ANKFN1: variants seen among roughly 807,000 people sequenced by gnomAD.
The protein encoded by ANKFN1 is ankyrin repeat and fibronectin type III domain containing 1.
In ANKFN1, 74 loss-of-function variants were observed where a neutral mutation model predicts 108.7. The observed-to-expected ratio is 0.68, with a 90% CI of 0.56 to 0.83. The LOEUF (loss-of-function observed/expected upper bound fraction) is 0.83. Ranked by LOEUF, ANKFN1 falls within the 40% of genes least tolerant of loss-of-function variation. The pLI, the probability that ANKFN1 is intolerant of heterozygous loss-of-function variation, is 0.00. For missense variants in ANKFN1, 1,505 were observed against 1,382.3 expected (o/e 1.09, Z -1.41); for synonymous variants, 547 against 516.2 (o/e 1.06, Z -0.81).
intron 8 of ANKFN1, among the ~76,000 whole-genome samples, chr17:56,385,559 A>G (rs182550815): frequency 1.7e-3 from 261 of 152,298 alleles, no homozygotes; most frequent in African/African-American, 5.6e-3. Context: ...GAAAATTTTC[A>G]CAACCTACTC....
At chr17:56,167,286 T>TATAC (rs1555603963) in intron 1 of ANKFN1, among the ~76,000 whole-genome samples, 13 of 122,896 alleles carry the variant, frequency 1.1e-4, no homozygotes, top group Non-Finnish European at 1.2e-4. Context: ...TATATATATA[T>TATAC]ACACACACAT....
intron 1 of ANKFN1, among the ~76,000 whole-genome samples, chr17:56,170,732 C>G (rs1463460795): frequency 1.4e-5 from 2 of 145,276 alleles, no homozygotes; most frequent in African/African-American, 5.2e-5. Context: ...CACTGCACTC[C>G]ACCCTGGGCT....
chr17:56,393,641 T>C (rs1205087843), intron 8 of ANKFN1, among the ~76,000 whole-genome samples: 2 of 152,224 alleles, frequency 1.3e-5, no homozygotes, highest in African/African-American at 4.8e-5. Context: ...GTATTATTTG[T>C]TTGTTATTCA....
intron 1 of ANKFN1, among the ~76,000 whole-genome samples, chr17:56,188,669 C>T (rs1241550058): frequency 2.1e-5 from 3 of 144,686 alleles, no homozygotes; most frequent in Non-Finnish European, 4.5e-5. Context: ...GCTCTTGAAA[C>T]ACGTATGCTT....
chr17:56,153,472 G>T (rs762434757), upstream of ANKFN1: 4 of 1,613,544 alleles, frequency 2.5e-6, no homozygotes, highest in South Asian at 3.3e-5. Flanking sequence ...CACCCCCCAG[G>T]TCCTCTTTCA....
At chr17:56,162,148 G>T (rs952611451) in intron 1 of ANKFN1, among the ~76,000 whole-genome samples, 1 of 152,164 alleles carries the variant, frequency 6.6e-6, no homozygotes, top group African/African-American at 2.4e-5. Flanking sequence ...TAAAACTAAG[G>T]AGAGGTAGTT....
chr17:56,189,106 GCTGTTC>G (rs961683257), intron 1 of ANKFN1, among the ~76,000 whole-genome samples: 2 of 150,820 alleles, frequency 1.3e-5, no homozygotes, highest in Non-Finnish European at 2.9e-5. Flanking sequence ...CTTCCATCTG[GCTGTTC>G]CTGAGTTGTA....
chr17:56,491,594 A>G (rs1282881191), intron 18 of ANKFN1, among the ~76,000 whole-genome samples: 1 of 152,204 alleles, frequency 6.6e-6, no homozygotes, highest in African/African-American at 2.4e-5. Flanking sequence ...TGGTCTGTCC[A>G]AGCAACAGCT....
intron 20 of ANKFN1, 99 bp from the exon 21 acceptor site, chr17:56,510,374 C>T (rs943851782): frequency 2.0e-6 from 2 of 997,752 alleles, no homozygotes; most frequent in East Asian, 2.6e-5. Context: ...GAAGCACAGG[C>T]CCCTTCTAAG....
intron 1 of ANKFN1, among the ~76,000 whole-genome samples, chr17:56,204,205 C>A (rs1339210012): frequency 6.6e-6 from 1 of 152,146 alleles, no homozygotes; most frequent in Non-Finnish European, 1.5e-5. Context: ...CGCCACCACA[C>A]CTGGCTAGTT....
At chr17:56,199,680 G>C (rs912663267) in intron 1 of ANKFN1, among the ~76,000 whole-genome samples, 1 of 152,156 alleles carries the variant, frequency 6.6e-6, no homozygotes, top group Non-Finnish European at 1.5e-5. Flanking sequence ...CCTCTAGTCT[G>C]TCGAGGTGTA....
intron 3 of ANKFN1, among the ~76,000 whole-genome samples, chr17:56,265,948 A>G (rs954763712): frequency 2.0e-5 from 3 of 152,200 alleles, no homozygotes; most frequent in Non-Finnish European, 4.4e-5. Context: ...TTGGCAAAGT[A>G]ACCAGTCAAA....
intron 3 of ANKFN1, among the ~76,000 whole-genome samples, chr17:56,295,418 C>T (rs572954607): frequency 1.3e-5 from 2 of 152,286 alleles, no homozygotes; most frequent in East Asian, 3.9e-4. Flanking sequence ...ATCAGTATCA[C>T]CTGGGAATCT....
At chr17:56,366,741 G>T (rs2046673613) in intron 6 of ANKFN1, among the ~76,000 whole-genome samples, 1 of 152,198 alleles carries the variant, frequency 6.6e-6, no homozygotes, top group African/African-American at 2.4e-5. Context: ...ATACCATAGA[G>T]TCTGGCTGTG....
rs192283754 is a variant in ANKFN1 at position 56,340,218 on chromosome 17, T to C, written c.189-10548T>C. 5.1e-4 allele frequency among the ~76,000 whole-genome samples: 78 copies of C among 152,158 alleles called. 1 individual carries two copies. The highest frequency in any genetic ancestry group is 4.6e-3 in the Admixed American group (70 of 15,254). Reference sequence around the variant, plus strand: ...GCTGGGTATTAGACCTCGTCAGATGTATAGTTTGCAAAAAATTTCTCTTTT... The same window carrying C: ...GCTGGGTATTAGACCTCGTCAGATGCATAGTTTGCAAAAAATTTCTCTTTT... On this transcript the variant is annotated intron_variant, in intron 4 of 20. Transcript: ENST00000682825.
intron 6 of ANKFN1, among the ~76,000 whole-genome samples, chr17:56,369,094 T>C (rs2144753796): frequency 6.6e-6 from 1 of 152,372 alleles, no homozygotes; most frequent in Admixed American, 6.5e-5. Context: ...CATCTCCAGC[T>C]ATTTACGCAC....
intron 2 of ANKFN1, among the ~76,000 whole-genome samples, chr17:56,220,785 A>T (rs1379199976): frequency 8.1e-6 from 1 of 123,614 alleles, no homozygotes; most frequent in Non-Finnish European, 1.7e-5. Flanking sequence ...GAAGTCAGGA[A>T]GGAAGGGAGG....
intron 6 of ANKFN1, among the ~76,000 whole-genome samples, chr17:56,364,474 T>C (rs926726673): frequency 7.2e-5 from 11 of 152,360 alleles, no homozygotes; most frequent in African/African-American, 2.6e-4. Context: ...TTAAATGATG[T>C]GGCTCACACT....
intron 7 of ANKFN1, 114 bp from the exon 8 acceptor site, chr17:56,374,487 C>G (rs1019219600): frequency 1.8e-5 from 14 of 784,188 alleles, no homozygotes; most frequent in African/African-American, 3.5e-5. Context: ...CTATTAGGCT[C>G]CACAAACAAA....
Sources: allele counts gnomAD v4.1 joint callset (sites outside exome capture counted in the v4.1 genomes callset), GRCh38; gene constraint gnomAD v4.1.1; transcripts MANE v1.5; gene names NCBI Gene and HGNC (gene_info 2026-07-23, HGNC 2026-07-21).